The following PGR variants were observed in gnomAD, a reference collection of about 807,000 sequenced individuals.
The protein encoded by PGR is nuclear receptor subfamily 3 group C member 3.
A neutral mutation model predicts 76.1 loss-of-function variants in PGR; 25 were observed. That is an observed-to-expected ratio of 0.33 (90% CI 0.24 to 0.46). The LOEUF (loss-of-function observed/expected upper bound fraction) is 0.46. PGR is among the 20% of genes least tolerant of loss of function. The pLI, the probability that PGR is intolerant of heterozygous loss-of-function variation, is 1.00. For missense variants in PGR, 1,172 were observed against 1,225.3 expected, an observed-to-expected ratio of 0.96 and a Z score of 0.65; for synonymous variants, 579 against 535.0, an observed-to-expected ratio of 1.08 and a Z score of -1.14.
intron 3 of PGR, among the ~76,000 whole-genome samples, chr11:101,074,168 C>G (rs138558790): frequency 2.6e-5 from 4 of 152,122 alleles, no homozygotes; most frequent in African/African-American, 9.7e-5. Flanking sequence ...AAGCCTGGAT[C>G]AACATACGCA....
In PGR at chr11:101,129,630, T is replaced by C; in HGVS notation, c.-560A>G. On this transcript the variant is annotated 5_prime_UTR_variant, in exon 1 of 8. Coordinates refer to ENST00000325455, the MANE Select transcript of PGR (RefSeq NM_000926.4). ...CCATTCCCAGGAAGGGTCGGACTTC[T>C]GCTGGCTCCGTACTGCGGGCGACAG... is the stretch of plus-strand genomic sequence containing the variant. 1 of 182,492 alleles carries C rather than the reference T, an allele frequency of 5.5e-6. No individual in the cohort carries two copies. Among genetic ancestry groups the C allele is most frequent in the East Asian group, 9.0e-5 (1 of 11,116 alleles). 11.3% of individuals were successfully genotyped at this position (182,492 alleles called of 1,614,324 possible).
chr11:101,107,304 T>A (rs1294177472), intron 2 of PGR, among the ~76,000 whole-genome samples: 1 of 152,212 alleles, frequency 6.6e-6, no homozygotes, highest in East Asian at 1.9e-4. Context: ...TGAATCAGCT[T>A]TTCATCTATC....
intron 6 of PGR, among the ~76,000 whole-genome samples, chr11:101,047,324 A>G (rs530292324): frequency 6.6e-6 from 1 of 152,290 alleles, no homozygotes; most frequent in East Asian, 1.9e-4. Context: ...ACTATCTGTG[A>G]CATAAGTGCT....
At chr11:101,055,079 T>C (rs1455257722) in intron 4 of PGR, among the ~76,000 whole-genome samples, 3 of 152,102 alleles carry the variant, frequency 2.0e-5, no homozygotes. Flanking sequence ...ATATATATTT[T>C]ATGTGTGTTG....
At chr11:101,107,634 T>A (rs1044536314) in intron 2 of PGR, among the ~76,000 whole-genome samples, 1 of 152,176 alleles carries the variant, frequency 6.6e-6, no homozygotes, top group African/African-American at 2.4e-5. Context: ...AAGTTGTTCA[T>A]GTCCTTGTGC....
At chr11:101,093,875 G>C (rs1861755734) in intron 2 of PGR, among the ~76,000 whole-genome samples, 2 of 152,208 alleles carry the variant, frequency 1.3e-5, no homozygotes, top group Non-Finnish European at 2.9e-5. Flanking sequence ...AAAAAGGTCT[G>C]ATCTAAACAC....
intron 3 of PGR, among the ~76,000 whole-genome samples, chr11:101,065,606 AT>A: frequency 6.6e-6 from 1 of 152,154 alleles, no homozygotes; most frequent in Non-Finnish European, 1.5e-5. Flanking sequence ...TTTGTATTAT[AT>A]TTTTGCACCT....
intron 3 of PGR, among the ~76,000 whole-genome samples, chr11:101,080,186 T>TAAGACTCC (rs773608909): frequency 1.1e-4 from 16 of 152,178 alleles, no homozygotes; most frequent in Non-Finnish European, 1.2e-4. Context: ...AGAATCAGCC[T>TAAGACTCC]ATTGCCTAAG....
At chr11:101,094,452 A>G (rs1236846100) in intron 2 of PGR, among the ~76,000 whole-genome samples, 1 of 152,082 alleles carries the variant, frequency 6.6e-6, no homozygotes, top group Non-Finnish European at 1.5e-5. Flanking sequence ...TCTTTCCAGC[A>G]CTTCCTTTTA....
intron 3 of PGR, among the ~76,000 whole-genome samples, chr11:101,089,795 T>A (rs902862679): frequency 6.6e-6 from 1 of 151,974 alleles, no homozygotes; most frequent in Non-Finnish European, 1.5e-5. Context: ...GGTATGAAAA[T>A]GCAGCAATAG....
intron 3 of PGR, among the ~76,000 whole-genome samples, chr11:101,066,303 C>A (rs895663687): frequency 6.6e-6 from 1 of 152,190 alleles, no homozygotes; most frequent in Non-Finnish European, 1.5e-5. Flanking sequence ...GTACTTAACA[C>A]ATTGATCGTT....
At chr11:101,117,764 T>C (rs1288489536) in intron 2 of PGR, among the ~76,000 whole-genome samples, 3 of 152,188 alleles carry the variant, frequency 2.0e-5, no homozygotes, top group Non-Finnish European at 2.9e-5. Flanking sequence ...TAAATCTTAC[T>C]AGCTCAATAA....
chr11:101,104,963 A>G (rs1329425740), intron 2 of PGR, among the ~76,000 whole-genome samples: 2 of 152,186 alleles, frequency 1.3e-5, no homozygotes, highest in African/African-American at 2.4e-5. Flanking sequence ...CAGGATACTC[A>G]TGGAAGCTGG....
At position 101,128,862 on chromosome 11, in the gene PGR, G is replaced by C; in HGVS notation, c.209C>G (p.Ser70Cys). The C allele has an allele frequency of 6.2e-7, 1 of 1,614,148 alleles. No homozygotes were observed. Among genetic ancestry groups the C allele is most frequent in the East Asian group, 2.2e-5 (1 of 44,862 alleles). The stretch of plus-strand genomic sequence containing the variant: ...CTGCTGGTCCTGCGTCTTTTCGTCG[G>C]AGGGGTCCTGTCCCTGGCAGGGCCG... ...FPRPCQGQDPSDEKTQDQQSL... is the reference protein window; with the variant it reads ...FPRPCQGQDPCDEKTQDQQSL... Residue 70 changes from serine (S) to cysteine (C), a missense_variant, in exon 1 of 8, where the codon TCC becomes TGC. By Grantham distance (112) the Ser-to-Cys change is moderately radical. Around this residue, in one of 4 missense-constraint regions of PGR, gnomAD observed 893 missense variants for 785.9 expected, o/e 1.14. Transcript: ENST00000325455.
intron 4 of PGR, among the ~76,000 whole-genome samples, chr11:101,055,790 T>A (rs1451547268): frequency 6.6e-6 from 1 of 152,208 alleles, no homozygotes; most frequent in Non-Finnish European, 1.5e-5. Flanking sequence ...GTCTTTTTGC[T>A]TTTTTCTTTG....
rs148425726 is a variant in PGR at position 101,049,133 on chromosome 11, C to T, written c.2488+796G>A. On this transcript the variant is annotated intron_variant, in intron 6 of 7. Coordinates refer to ENST00000325455, the MANE Select transcript of PGR (RefSeq NM_000926.4). ...AAACTTTTTTTAAAAAAACTAATAC[C>T]CAAAACACACATTAGCCTAGACCTA... Among the ~76,000 whole-genome samples the T allele has an allele frequency of 6.9e-4, 104 of 150,272 alleles. No homozygotes were observed. In the East Asian group the frequency reaches 0.02, roughly 29 times the overall value.
At chr11:101,048,878 A>G (rs1565331445) in intron 6 of PGR, among the ~76,000 whole-genome samples, 1 of 152,044 alleles carries the variant, frequency 6.6e-6, no homozygotes, top group Non-Finnish European at 1.5e-5. Context: ...TTGTAATAAC[A>G]TTTAGTTAAA....
At chr11:101,099,270 G>T (rs1038165872) in intron 2 of PGR, among the ~76,000 whole-genome samples, 1 of 152,130 alleles carries the variant, frequency 6.6e-6, no homozygotes, top group Non-Finnish European at 1.5e-5. Context: ...AAATGTGGAT[G>T]AACTACATAA....
chr11:101,124,880 TC>T (rs1431883971), intron 2 of PGR, among the ~76,000 whole-genome samples: 7 of 152,282 alleles, frequency 4.6e-5, no homozygotes, highest in Admixed American at 2.6e-4. Context: ...TAAAATACAT[TC>T]ATCTTTTGTG....
Sources: gnomAD v4.1 joint callset for allele counts (sites outside exome capture counted in the v4.1 genomes callset) on GRCh38, gnomAD v4.1.1 for gene constraint, gnomAD v4.1.1 regional missense constraint, MANE v1.5 for transcripts, NCBI Gene and HGNC (gene_info 2026-07-23, HGNC 2026-07-21) for gene names.